ATP11A: variants seen among roughly 807,000 people sequenced by gnomAD.
The protein encoded by ATP11A is ATPase phospholipid transporting 11A, also known as phospholipid-transporting ATPase IH.
In ATP11A, 81 loss-of-function variants were observed where a neutral mutation model predicts 154.4. The observed-to-expected ratio is 0.52, with a 90% CI of 0.44 to 0.63. The LOEUF is 0.63. Among genes scored for constraint, ATP11A ranks in the 30% least tolerant of loss-of-function variants. The pLI is 0.00. For synonymous variants in ATP11A, 623 were observed against 585.9 expected (o/e 1.06, Z -0.91); for missense variants, 1,316 against 1,474.3 (o/e 0.89, Z 1.76).
rs914713657 is a variant in ATP11A at position 112,838,132 on chromosome 13, C to G, written c.1705+1881C>G. ...CACGAAGAGCTTTTGCCAGCCAGAC[C>G]GTGGGATCAGCAGGACAGGGTCTGA... is the stretch of plus-strand genomic sequence containing the variant. On this transcript the variant is annotated intron_variant, in intron 16 of 29. Transcript: ENST00000375645. The surrounding 1 kb of genome is among the most constrained non-coding windows in gnomAD (Gnocchi z 7.3). Among the ~76,000 whole-genome samples the G allele has an allele frequency of 2.0e-5, 3 of 152,130 alleles. No homozygotes were observed. Among genetic ancestry groups the G allele is most frequent in the Admixed American group, 2.0e-4 (3 of 15,270 alleles).
chr13:112,873,468 G>C (rs9603796), intron 26 of ATP11A, 105 bp from the exon 27 acceptor site: 1 of 809,712 alleles, frequency 1.2e-6, no homozygotes, highest in Non-Finnish European at 1.9e-6. Flanking sequence ...TGGGTCTTGC[G>C]TTTGGTTTAG....
intron 2 of ATP11A, among the ~76,000 whole-genome samples, chr13:112,803,810 C>CCCTCCTTCTTCTCCTTCCCCTCCT (rs1566503941): frequency 3.1e-5 from 3 of 95,396 alleles, no homozygotes. Flanking sequence ...CCCCTCCCTC[C>CCCTCCTTCTTCTCCTTCCCCTCCT]CCTCCTTCCT....
chr13:112,731,844 T>G, intron 1 of ATP11A, among the ~76,000 whole-genome samples: 2 of 144,954 alleles, frequency 1.4e-5, no homozygotes, highest in African/African-American at 2.6e-5. Context: ...GAAGTGCACG[T>G]GAGGAAGGGA....
At chr13:112,780,728 C>G (rs181899028) in intron 1 of ATP11A, among the ~76,000 whole-genome samples, 1 of 152,234 alleles carries the variant, frequency 6.6e-6, no homozygotes, top group Non-Finnish European at 1.5e-5. Context: ...AGGGGACTTG[C>G]CACGTGGCTT....
chr13:112,727,976 C>T (rs1056921142), intron 1 of ATP11A, among the ~76,000 whole-genome samples: 6 of 152,218 alleles, frequency 3.9e-5, no homozygotes, highest in Non-Finnish European at 8.8e-5. Flanking sequence ...CAGCAAGGGC[C>T]GTGTCTGGTG....
intron 1 of ATP11A, among the ~76,000 whole-genome samples, chr13:112,766,588 C>G (rs943297965): frequency 2.6e-5 from 4 of 151,522 alleles, no homozygotes; most frequent in African/African-American, 7.3e-5. Context: ...GCAGGACCAC[C>G]GTCACATGCT....
chr13:112,774,973 G>A (rs78614632), intron 1 of ATP11A, among the ~76,000 whole-genome samples: 4,264 of 152,346 alleles, frequency 0.028, 200 homozygotes, highest in African/African-American at 0.096. Context: ...GGGAATGGAG[G>A]CTTTGTTGTT....
At chr13:112,804,838 T>C (rs2140137525) in intron 2 of ATP11A, 119 bp from the exon 3 acceptor site, 2 of 557,260 alleles carry the variant, frequency 3.6e-6, no homozygotes, top group Non-Finnish European at 6.0e-6. Context: ...TTATGAGTTT[T>C]ATATCTAAAG....
chr13:112,698,947 C>T (rs1268321180), intron 1 of ATP11A, among the ~76,000 whole-genome samples: 3 of 152,116 alleles, frequency 2.0e-5, no homozygotes, highest in East Asian at 1.9e-4. Context: ...AGGCTGGTCT[C>T]GAACTCCTGA....
intron 20 of ATP11A, 67 bp downstream of exon 20, chr13:112,856,152 G>T (rs1180059168): frequency 1.4e-6 from 2 of 1,473,296 alleles, no homozygotes; most frequent in African/African-American, 1.4e-5. Context: ...CTTCCGTTAG[G>T]TCTCACCGCC....
At chr13:112,707,687 G>T (rs1227903507) in intron 1 of ATP11A, among the ~76,000 whole-genome samples, 1 of 152,172 alleles carries the variant, frequency 6.6e-6, no homozygotes, top group Non-Finnish European at 1.5e-5. Flanking sequence ...TTGTGATTTT[G>T]AAGTGTCATC....
rs373039913 is a variant in ATP11A at position 112,859,016 on chromosome 13, C to G, written c.2668-377C>G. 108 of 284,218 alleles carry G rather than the reference C, an allele frequency of 3.8e-4. No homozygotes were observed. Among genetic ancestry groups the G allele is most frequent in the African/African-American group, 2.3e-3 (103 of 45,082 alleles). 17.6% of individuals were successfully genotyped at this position (284,218 alleles called of 1,614,324 possible). On this transcript the variant is annotated intron_variant, in intron 22 of 29. Coordinates refer to ENST00000375645, the MANE Select transcript of ATP11A (RefSeq NM_015205.3). This position sits in a 1 kb window ranked among gnomAD's most constrained non-coding sequence, Gnocchi z 4.3. ...CGTGCCGCGGGAGGAGACCCCCAGCCCTTTTCTCCCCCCACAGAATTGAGT... is the reference window on the plus strand; with the variant it reads ...CGTGCCGCGGGAGGAGACCCCCAGCGCTTTTCTCCCCCCACAGAATTGAGT...
chr13:112,784,143 T>G (rs2163996), intron 1 of ATP11A, among the ~76,000 whole-genome samples: 1 of 152,016 alleles, frequency 6.6e-6, no homozygotes, highest in Non-Finnish European at 1.5e-5. Flanking sequence ...GGGGCTGCCC[T>G]GTTAGGCGGA....
intron 1 of ATP11A, among the ~76,000 whole-genome samples, chr13:112,744,300 G>A (rs564141190): frequency 6.6e-6 from 1 of 151,378 alleles, no homozygotes; most frequent in East Asian, 1.9e-4. Flanking sequence ...AGGGTGTGAT[G>A]GAGTATGGTG....
chr13:112,744,956 T>A (rs898148048), intron 1 of ATP11A, among the ~76,000 whole-genome samples: 1 of 152,208 alleles, frequency 6.6e-6, no homozygotes, highest in Non-Finnish European at 1.5e-5. Flanking sequence ...AAATAGTACG[T>A]GGCACACAGT....
At chr13:112,766,617 A>AGGGAAG (rs138058231) in intron 1 of ATP11A, among the ~76,000 whole-genome samples, 3,855 of 152,108 alleles carry the variant, frequency 0.025, 80 homozygotes, top group Middle Eastern at 0.075. Flanking sequence ...TCTCCCTGTA[A>AGGGAAG]GGGAAGGGGA....
chr13:112,814,111 T>G (rs951889145), intron 5 of ATP11A, among the ~76,000 whole-genome samples: 1 of 152,156 alleles, frequency 6.6e-6, no homozygotes, highest in African/African-American at 2.4e-5. Context: ...TTGCCCAGGC[T>G]GGAATGCAGT....
intron 29 of ATP11A, 137 bp from the exon 30 acceptor site, chr13:112,881,739 C>A: frequency 1.5e-6 from 2 of 1,326,102 alleles, no homozygotes; most frequent in Non-Finnish European, 2.0e-6. Context: ...GTGAGTGCAT[C>A]CCAGAGTGGC....
intron 1 of ATP11A, among the ~76,000 whole-genome samples, chr13:112,731,651 G>C (rs78840004): frequency 6.6e-6 from 1 of 152,140 alleles, no homozygotes; most frequent in East Asian, 1.9e-4. Context: ...AGGAAGGTGC[G>C]GGAGGAGACA....
Sources: allele counts gnomAD v4.1 joint callset (sites outside exome capture counted in the v4.1 genomes callset), GRCh38; gene constraint gnomAD v4.1.1; non-coding constraint Gnocchi (gnomAD v3.1); transcripts MANE v1.5; gene names NCBI Gene and HGNC (gene_info 2026-07-23, HGNC 2026-07-21).